Variants in MAGI1 observed in about 807,000 individuals in gnomAD.
MAGI1 encodes the protein membrane-associated guanylate kinase, WW and PDZ domain-containing protein 1.
In MAGI1, 58 loss-of-function variants were observed where a neutral mutation model predicts 139.9. That is an observed-to-expected ratio of 0.41 (90% CI 0.34 to 0.52). MAGI1 has a LOEUF of 0.52. Ranked by LOEUF, MAGI1 falls within the 20% of genes least tolerant of loss-of-function variation. The pLI is 0.12. For missense variants in MAGI1, 1,874 were observed against 1,901.6 expected (o/e 0.99, Z 0.27); for synonymous variants, 812 against 737.9 (o/e 1.10, Z -1.63).
intron 2 of MAGI1, among the ~76,000 whole-genome samples, chr3:65,596,447 C>T (rs1242661018): frequency 5.9e-5 from 9 of 152,192 alleles, no homozygotes; most frequent in Non-Finnish European, 1.2e-4. Flanking sequence ...TAAGTAGTCT[C>T]CTAATTGATT....
intron 2 of MAGI1, among the ~76,000 whole-genome samples, chr3:65,527,261 AC>A (rs1385590332): frequency 6.6e-6 from 1 of 152,144 alleles, no homozygotes. Context: ...TGAGTCTCAC[AC>A]CTAACTTACA....
chr3:65,517,661 G>A (rs531415148), intron 2 of MAGI1, among the ~76,000 whole-genome samples: 6 of 152,258 alleles, frequency 3.9e-5, no homozygotes, highest in South Asian at 2.1e-4. Context: ...TCCAACTCCC[G>A]AGTCAGTCTC....
At chr3:65,974,968 T>A (rs2065194034) in intron 1 of MAGI1, among the ~76,000 whole-genome samples, 1 of 152,134 alleles carries the variant, frequency 6.6e-6, no homozygotes, top group Admixed American at 6.5e-5. Flanking sequence ...AATCAAATCT[T>A]CTAAATTGCA....
At chr3:65,810,431 T>C (rs2041152764) in intron 1 of MAGI1, among the ~76,000 whole-genome samples, 1 of 152,218 alleles carries the variant, frequency 6.6e-6, no homozygotes, top group African/African-American at 2.4e-5. Flanking sequence ...AGACAGACTG[T>C]TAAATGAAAC....
chr3:65,941,832 A>AC (rs2063330022), intron 1 of MAGI1, among the ~76,000 whole-genome samples: 1 of 152,112 alleles, frequency 6.6e-6, no homozygotes, highest in East Asian at 1.9e-4. Context: ...CACTCTGCTG[A>AC]CCAGGCTGGA....
chr3:65,712,543 C>T (rs1448169692), intron 1 of MAGI1, among the ~76,000 whole-genome samples: 1 of 151,478 alleles, frequency 6.6e-6, no homozygotes, highest in African/African-American at 2.4e-5. Context: ...GACAGAGTTT[C>T]ACTCCGTCAC....
At chr3:65,588,931 G>T (rs1003629245) in intron 2 of MAGI1, among the ~76,000 whole-genome samples, 4 of 152,088 alleles carry the variant, frequency 2.6e-5, no homozygotes, top group Non-Finnish European at 5.9e-5. Flanking sequence ...CACAACAGAC[G>T]CTAGGAACAC....
chr3:65,578,562 C>A (rs2081276028), intron 2 of MAGI1, among the ~76,000 whole-genome samples: 1 of 152,108 alleles, frequency 6.6e-6, no homozygotes, highest in African/African-American at 2.4e-5. Context: ...ACATATTTAA[C>A]CCTACAAGGA....
intron 1 of MAGI1, among the ~76,000 whole-genome samples, chr3:65,992,625 C>G (rs1372198017): frequency 6.6e-6 from 1 of 152,130 alleles, no homozygotes; most frequent in East Asian, 1.9e-4. Context: ...TCTGGGAGGG[C>G]AACCAAAATT....
chr3:65,577,941 TTC>T (rs1050008819), intron 2 of MAGI1, among the ~76,000 whole-genome samples: 3 of 152,158 alleles, frequency 2.0e-5, no homozygotes, highest in Non-Finnish European at 4.4e-5. Context: ...CTGTCTCTCT[TTC>T]TCTCTCTCAC....
At chr3:65,537,556 G>A (rs1053259589) in intron 2 of MAGI1, among the ~76,000 whole-genome samples, 4 of 152,194 alleles carry the variant, frequency 2.6e-5, no homozygotes, top group African/African-American at 4.8e-5. Context: ...GTGGGGGAAT[G>A]TTATGGTCAT....
At chr3:65,590,783 C>A (rs1331475678) in intron 2 of MAGI1, among the ~76,000 whole-genome samples, 1 of 152,136 alleles carries the variant, frequency 6.6e-6, no homozygotes, top group Non-Finnish European at 1.5e-5. Context: ...CTTCCAGAAT[C>A]TAGACAGAGC....
intron 1 of MAGI1, among the ~76,000 whole-genome samples, chr3:65,931,104 T>C (rs11920777): frequency 0.79 from 119,019 of 151,614 alleles, 46,854 homozygotes; most frequent in Middle Eastern, 0.85. Context: ...ACAGTCTTGG[T>C]TCACTGCAAC....
chr3:65,512,357 G>T (rs1245575728), intron 2 of MAGI1, among the ~76,000 whole-genome samples: 1 of 145,504 alleles, frequency 6.9e-6, no homozygotes, highest in Non-Finnish European at 1.5e-5. Flanking sequence ...AAAAATCAAT[G>T]AATCCAGGAG....
At chr3:65,501,209 G>A (rs1019649163) in intron 2 of MAGI1, among the ~76,000 whole-genome samples, 1 of 151,924 alleles carries the variant, frequency 6.6e-6, no homozygotes, top group Non-Finnish European at 1.5e-5. Flanking sequence ...GGCCAGGTGC[G>A]GTGGCACATA....
intron 14 of MAGI1, among the ~76,000 whole-genome samples, chr3:65,386,050 C>T (rs933638637): frequency 5.3e-5 from 8 of 152,104 alleles, no homozygotes; most frequent in African/African-American, 9.7e-5. Context: ...CTGGGAACAA[C>T]GAAAGGGCCT....
intron 1 of MAGI1, among the ~76,000 whole-genome samples, chr3:65,809,320 G>T (rs138579704): frequency 6.6e-6 from 1 of 152,290 alleles, no homozygotes; most frequent in African/African-American, 2.4e-5. Flanking sequence ...CATGGTAACA[G>T]TTGTCACCAT....
At chr3:65,569,063 A>G (rs2080819161) in intron 2 of MAGI1, among the ~76,000 whole-genome samples, 1 of 152,230 alleles carries the variant, frequency 6.6e-6, no homozygotes, top group Admixed American at 6.5e-5. Context: ...TAGATAGATG[A>G]ATAGATAAAC....
intron 1 of MAGI1, among the ~76,000 whole-genome samples, chr3:65,779,388 G>A (rs2038747612): frequency 6.6e-6 from 1 of 152,206 alleles, no homozygotes; most frequent in African/African-American, 2.4e-5. Context: ...AGGGCCGGGA[G>A]GGGACTATAT....
Sources: allele counts gnomAD v4.1 joint callset (sites outside exome capture counted in the v4.1 genomes callset), GRCh38; gene constraint gnomAD v4.1.1; transcripts MANE v1.5; gene names NCBI Gene and HGNC (gene_info 2026-07-23, HGNC 2026-07-21).